ARHGAP42: variants seen among roughly 807,000 people sequenced by gnomAD.
The protein encoded by ARHGAP42 is Rho GTPase activating protein 42.
Under a neutral mutation model 125.0 loss-of-function variants are expected in ARHGAP42, and 63 were observed. The ratio of observed to expected loss-of-function variants is 0.50; its 90% CI spans 0.41 to 0.62. The LOEUF (loss-of-function observed/expected upper bound fraction) is 0.62, where lower values mean the gene tolerates loss of function less well. ARHGAP42 is among the 20% of genes least tolerant of loss of function. The pLI is 0.00. For synonymous variants in ARHGAP42, 339 were observed against 351.0 expected (o/e 0.97, Z 0.38); for missense variants, 766 against 1,024.2 (o/e 0.75, Z 3.44).
chr11:100,951,884 T>A (rs1178798321), intron 12 of ARHGAP42, among the ~76,000 whole-genome samples: 1 of 152,110 alleles, frequency 6.6e-6, no homozygotes, highest in Non-Finnish European at 1.5e-5. Flanking sequence ...TACTCTGAGC[T>A]CCTTGTGACA....
rs751281958 is a variant in ARHGAP42, at chr11:100,973,168, T to A, written c.1551-7T>A. 76 of 1,500,988 alleles carry A rather than the reference T, an allele frequency of 5.1e-5. No individual in the cohort carries two copies. Among genetic ancestry groups the A allele is most frequent in the Non-Finnish European group, 8.9e-7 (1 of 1,122,904 alleles). The allele number at this position is 1,500,988 out of a possible 1,614,324, so 93.0% of individuals were successfully genotyped here. ...CTTAAGATATTTTTGTTGCTTTTTA[T>A]TTGCAGAGTATCACTACACAGCCAA... is the stretch of plus-strand genomic sequence containing the variant. On this transcript the variant is annotated splice_region_variant and splice_polypyrimidine_tract_variant and intron_variant, in intron 17 of 23. Transcript: ENST00000298815.
At position 100,979,018 on chromosome 11, in the gene ARHGAP42, G is replaced by A; in HGVS notation, c.2425G>A (p.Val809Ile). The change falls in exon 22 of 24, where the codon GTT (valine) becomes ATT (isoleucine). Residue 809 changes from valine (V) to isoleucine (I), a missense_variant. This residue lies in a region of ARHGAP42 where 308 missense variants were observed against 369.7 expected (regional missense o/e 0.83). Transcript: ENST00000298815. ...VAAKAQLFENVGSPKPVSSGR... is the reference protein window; with the variant it reads ...VAAKAQLFENIGSPKPVSSGR... ...AGCAAAAGCTCAACTGTTTGAAAAT[G>A]TTGGTTCACCTAAACCAGTTTCTTC... 1 of 1,551,508 alleles carries A rather than the reference G, an allele frequency of 6.4e-7. No individual in the cohort carries two copies. Among genetic ancestry groups the A allele is most frequent in the African/African-American group, 1.4e-5 (1 of 73,134 alleles).
intron 1 of ARHGAP42, among the ~76,000 whole-genome samples, chr11:100,754,762 A>T (rs1281740088): frequency 6.6e-6 from 1 of 152,238 alleles, no homozygotes. Flanking sequence ...CCTCTTGCCC[A>T]ATAAGAGTAA....
At chr11:100,966,166 A>G (rs1057041890) in intron 17 of ARHGAP42, among the ~76,000 whole-genome samples, 1 of 152,068 alleles carries the variant, frequency 6.6e-6, no homozygotes, top group Admixed American at 6.6e-5. Context: ...TCAAACTAAC[A>G]CTTAACTGTT....
At chr11:100,896,762 G>A (rs2044897416) in intron 4 of ARHGAP42, among the ~76,000 whole-genome samples, 1 of 152,102 alleles carries the variant, frequency 6.6e-6, no homozygotes, top group South Asian at 2.1e-4. Flanking sequence ...TGGGTAGATT[G>A]CAAAAATTTT....
chr11:100,709,230 G>A (rs1174900562), intron 1 of ARHGAP42, among the ~76,000 whole-genome samples: 3 of 152,102 alleles, frequency 2.0e-5, no homozygotes, highest in African/African-American at 4.8e-5. Flanking sequence ...AGTAGAGACG[G>A]CGTTTCACCA....
At chr11:100,886,738 G>A (rs1035598376) in intron 4 of ARHGAP42, among the ~76,000 whole-genome samples, 1 of 152,064 alleles carries the variant, frequency 6.6e-6, no homozygotes, top group Non-Finnish European at 1.5e-5. Flanking sequence ...ACCCAATTAA[G>A]GCCAAATTAA....
At position 100,922,444 on chromosome 11, in the gene ARHGAP42, C is replaced by T. The variant is rs144145604; in HGVS notation, c.597+840C>T. Among the ~76,000 whole-genome samples the T allele has an allele frequency of 1.4e-4, 22 of 152,148 alleles. No individual in the cohort carries two copies. In the East Asian group the frequency reaches 4.1e-3, roughly 28 times the overall value. On this transcript the variant is annotated intron_variant, in intron 6 of 23. Coordinates refer to ENST00000298815, the MANE Select transcript of ARHGAP42 (RefSeq NM_152432.4). Reference sequence around the variant, plus strand: ...CTAAATAGGCATCTTGACAAAGTGACATGTATGATGAATAAAGGTTTGCTC... The same window carrying T: ...CTAAATAGGCATCTTGACAAAGTGATATGTATGATGAATAAAGGTTTGCTC...
In ARHGAP42 at chr11:100,989,984, C is replaced by A. The variant is rs1025872129; in HGVS notation, c.*1183C>A. On this transcript the variant is annotated 3_prime_UTR_variant, in exon 24 of 24. Transcript: ENST00000298815. ...AATCTGTACATGATTTTCTTTTATG[C>A]CTTTTAGTTTACAGTCTTTATTAGC... The A allele has an allele frequency of 3.9e-5, 6 of 152,080 alleles. No individual in the cohort carries two copies. The highest frequency in any genetic ancestry group is 3.9e-4 in the Admixed American group (6 of 15,262). 9.4% of individuals were successfully genotyped at this position (152,080 alleles called of 1,614,324 possible).
At chr11:100,889,623 T>C (rs1244524370) in intron 4 of ARHGAP42, among the ~76,000 whole-genome samples, 1 of 152,210 alleles carries the variant, frequency 6.6e-6, no homozygotes, top group Admixed American at 6.5e-5. Context: ...TTAGCACATT[T>C]AATAAGTGAT....
At chr11:100,923,821 A>G (rs557752221) in intron 6 of ARHGAP42, among the ~76,000 whole-genome samples, 2 of 152,088 alleles carry the variant, frequency 1.3e-5, no homozygotes, top group South Asian at 4.1e-4. Flanking sequence ...TGGCCAAACC[A>G]AATAGTACTG....
chr11:100,912,719 A>G (rs1451284647), intron 4 of ARHGAP42, among the ~76,000 whole-genome samples: 1 of 152,162 alleles, frequency 6.6e-6, no homozygotes, highest in Non-Finnish European at 1.5e-5. Context: ...GCCATAAGAT[A>G]AAAGGTAAAG....
intron 2 of ARHGAP42, among the ~76,000 whole-genome samples, chr11:100,791,397 A>T (rs149043515): frequency 1.6e-4 from 25 of 152,342 alleles, no homozygotes; most frequent in African/African-American, 5.1e-4. Context: ...GAAAGCACAG[A>T]AAGATCTGTG....
At chr11:100,779,551 C>CATAT (rs1554996534) in intron 2 of ARHGAP42, among the ~76,000 whole-genome samples, 9 of 126,912 alleles carry the variant, frequency 7.1e-5, no homozygotes, top group African/African-American at 2.5e-4. Flanking sequence ...TATATATATA[C>CATAT]ATATACATAC....
At chr11:100,771,986 G>T (rs11224442) in intron 2 of ARHGAP42, among the ~76,000 whole-genome samples, 8,024 of 152,246 alleles carry the variant, frequency 0.053, 283 homozygotes, top group East Asian at 0.19. Flanking sequence ...CTAGTCCATG[G>T]ACCACGCTCT....
At chr11:100,861,676 TG>T (rs1201588540) in intron 4 of ARHGAP42, among the ~76,000 whole-genome samples, 1 of 152,202 alleles carries the variant, frequency 6.6e-6, no homozygotes, top group African/African-American at 2.4e-5. Flanking sequence ...GTTGCATAAC[TG>T]GGTGGTTGTT....
chr11:100,735,883 T>C (rs1323557461), intron 1 of ARHGAP42, among the ~76,000 whole-genome samples: 2 of 152,174 alleles, frequency 1.3e-5, no homozygotes, highest in East Asian at 1.9e-4. Context: ...CCCAAAGTGT[T>C]GGGATTACAG....
intron 2 of ARHGAP42, among the ~76,000 whole-genome samples, chr11:100,785,873 T>G (rs553923759): frequency 6.6e-6 from 1 of 152,298 alleles, no homozygotes; most frequent in Non-Finnish European, 1.5e-5. Flanking sequence ...ACTTTTTAAT[T>G]TTTTCCCTTT....
At chr11:100,750,640 T>A (rs569406501) in intron 1 of ARHGAP42, among the ~76,000 whole-genome samples, 10 of 143,454 alleles carry the variant, frequency 7.0e-5, no homozygotes, top group Admixed American at 4.9e-4. Context: ...AAGAGAGTGA[T>A]GGGGTGAGTG....
Sources: allele counts gnomAD v4.1 joint callset (sites outside exome capture counted in the v4.1 genomes callset), GRCh38; gene constraint gnomAD v4.1.1; regional missense constraint gnomAD v4.1.1; transcripts MANE v1.5; gene names NCBI Gene and HGNC (gene_info 2026-07-23, HGNC 2026-07-21).